Variants in DSG2 observed in about 807,000 individuals in gnomAD.
The protein encoded by DSG2 is desmoglein-2.
Under a neutral mutation model 75.6 loss-of-function variants are expected in DSG2, and 45 were observed. That is an observed-to-expected ratio of 0.60 (90% CI 0.47 to 0.76). The LOEUF is 0.76. DSG2 is among the 30% of genes least tolerant of loss of function. DSG2 has a pLI of 0.00. For synonymous variants in DSG2, 429 were observed against 483.9 expected, an observed-to-expected ratio of 0.89 and a Z score of 1.49; for missense variants, 1,267 against 1,357.4, an observed-to-expected ratio of 0.93 and a Z score of 1.05.
intron 3 of DSG2, 31 bp downstream of exon 3, chr18:31,519,968 G>C: frequency 1.2e-6 from 2 of 1,613,922 alleles, no homozygotes; most frequent in Non-Finnish European, 1.7e-6. Flanking sequence ...TGAAATACAT[G>C]CATATGACTA....
chr18:31,519,730 T>C, intron 2 of DSG2, 73 bp from the exon 3 acceptor site: 2 of 1,516,950 alleles, frequency 1.3e-6, no homozygotes, highest in East Asian at 2.3e-5. Flanking sequence ...AAGTTTATTA[T>C]GTTATAGGAC....
intron 8 of DSG2, among the ~76,000 whole-genome samples, chr18:31,527,615 T>C (rs1232078181): frequency 6.6e-6 from 1 of 152,180 alleles, no homozygotes; most frequent in Admixed American, 6.5e-5. Context: ...GATATACAAG[T>C]AGCAAATACC....
intron 14 of DSG2, among the ~76,000 whole-genome samples, chr18:31,545,088 C>T (rs1375761857): frequency 6.6e-6 from 1 of 152,170 alleles, no homozygotes; most frequent in Non-Finnish European, 1.5e-5. Flanking sequence ...CTGCTAAGCT[C>T]AATTCTAGCG....
At chr18:31,526,739 A>G (rs1329002882) in intron 8 of DSG2, among the ~76,000 whole-genome samples, 1 of 152,224 alleles carries the variant, frequency 6.6e-6, no homozygotes, top group Non-Finnish European at 1.5e-5. Flanking sequence ...TCAGTGACAG[A>G]CTACATATAT....
chr18:31,521,130 A>G lies in DSG2; in HGVS notation c.410A>G (p.Asn137Ser). 6.2e-7 allele frequency: 1 copy of G among 1,614,080 alleles called. No individual in the cohort carries two copies. Among genetic ancestry groups the G allele is most frequent in the Middle Eastern group, 1.7e-4 (1 of 6,060 alleles). Residue 137 changes from asparagine to serine, a missense_variant, in exon 5 of 15, where the codon AAC (asparagine) becomes AGC (serine). Asn to Ser is a conservative substitution (Grantham distance 46). Transcript: ENST00000261590. ...LTGYALDARG[N>S]NVEKPLELRI... The stretch of plus-strand genomic sequence containing the variant: ...GGTTACGCTTTGGATGCAAGAGGAA[A>G]CAATGTAGAGAAACCCTTAGAGCTA...
At chr18:31,523,177 A>G (rs914693066) in intron 6 of DSG2, among the ~76,000 whole-genome samples, 1 of 152,050 alleles carries the variant, frequency 6.6e-6, no homozygotes, top group Non-Finnish European at 1.5e-5. Flanking sequence ...TGAGGCGGGC[A>G]GATCACAAGG....
chr18:31,525,852 G>A (rs986938250), intron 8 of DSG2, among the ~76,000 whole-genome samples: 6 of 152,138 alleles, frequency 3.9e-5, no homozygotes, highest in African/African-American at 1.4e-4. Context: ...CGAATTACAG[G>A]ATGGGCCGGG....
Position 31,524,582 on chromosome 18 carries a change from A to G in DSG2, c.825A>G (p.Lys275=). The change falls in exon 7 of 15, where the codon AAA becomes AAG. Residue 275 remains lysine, a synonymous_variant. Transcript: ENST00000261590. ...ACAATATACCTGTAGTAGAAAATAA[A>G]GTGGTAACTATTATTCTTCTAATAA... ...VNDNIPVVEN[K]VLEGMVEENQ... is the part of the protein sequence containing the mutation. 6.2e-7 allele frequency: 1 copy of G among 1,613,766 alleles called. No homozygotes were observed. The highest frequency in any genetic ancestry group is 8.5e-7 in the Non-Finnish European group (1 of 1,179,700).
chr18:31,524,323 G>A, intron 6 of DSG2, 125 bp from the exon 7 acceptor site: 1 of 1,299,086 alleles, frequency 7.7e-7, no homozygotes. Context: ...ACAAATAATA[G>A]CAGATCATAA....
At chr18:31,519,665 G>A in intron 2 of DSG2, 138 bp from the exon 3 acceptor site, 1 of 870,188 alleles carries the variant, frequency 1.1e-6, no homozygotes, top group Non-Finnish European at 1.8e-6. Flanking sequence ...TTCCCTTTTA[G>A]ACAATGAAGC....
intron 1 of DSG2, among the ~76,000 whole-genome samples, chr18:31,507,166 G>A (rs1034537748): frequency 6.6e-6 from 1 of 152,052 alleles, no homozygotes; most frequent in East Asian, 1.9e-4. Flanking sequence ...TTATAAGTGA[G>A]AACATGTGGT....
At chr18:31,524,105 A>G (rs1006634268) in intron 6 of DSG2, among the ~76,000 whole-genome samples, 1 of 152,254 alleles carries the variant, frequency 6.6e-6, no homozygotes, top group Non-Finnish European at 1.5e-5. Context: ...CTCACTGAGA[A>G]TGAAGTGCAG....
intron 11 of DSG2, among the ~76,000 whole-genome samples, 196 bp downstream of exon 11, chr18:31,536,625 T>G (rs1027862305): frequency 2.0e-5 from 3 of 152,224 alleles, no homozygotes; most frequent in African/African-American, 7.2e-5. Context: ...ATCTAAAATG[T>G]CTTGAAGGTA....
chr18:31,508,935 G>A (rs750523582), intron 1 of DSG2, among the ~76,000 whole-genome samples: 1 of 152,128 alleles, frequency 6.6e-6, no homozygotes, highest in Non-Finnish European at 1.5e-5. Flanking sequence ...CAGACCTACT[G>A]AGTCAGACAC....
chr18:31,514,906 A>G (rs1397119972), intron 1 of DSG2, among the ~76,000 whole-genome samples: 4 of 152,238 alleles, frequency 2.6e-5, no homozygotes, highest in Admixed American at 6.5e-5. Context: ...CTTATATCCT[A>G]GTAAAACACA....
chr18:31,513,578 G>A (rs908144318), intron 1 of DSG2, among the ~76,000 whole-genome samples: 4 of 152,218 alleles, frequency 2.6e-5, no homozygotes, highest in African/African-American at 9.6e-5. Context: ...CTGAAGATGA[G>A]AGAAAATGCC....
At chr18:31,530,916 A>G (rs765919131) in intron 8 of DSG2, 71 bp from the exon 9 acceptor site, 2 of 1,452,998 alleles carry the variant, frequency 1.4e-6, no homozygotes, top group African/African-American at 1.6e-5. Context: ...AAAACCACAC[A>G]TGTATATGTA....
chr18:31,521,250 G>GT lies in DSG2; in HGVS notation c.523+8dup. The stretch of plus-strand genomic sequence containing the variant: ...GAAGAGTTGAGTGCAGCACGTAAGA[G>GT]TCTTTTTTTTTTTTTTTAATAAATA... On this transcript the variant is annotated splice_region_variant and intron_variant, in intron 5 of 14. Coordinates refer to ENST00000261590, the MANE Select transcript of DSG2 (RefSeq NM_001943.5). 2 of 1,587,076 alleles carry GT rather than the reference G, an allele frequency of 1.3e-6. No homozygotes were observed. Among genetic ancestry groups the GT allele is most frequent in the Admixed American group, 1.7e-5 (1 of 57,650 alleles).
intron 1 of DSG2, among the ~76,000 whole-genome samples, chr18:31,508,442 G>A (rs1443185480): frequency 6.6e-6 from 1 of 151,708 alleles, no homozygotes; most frequent in African/African-American, 2.4e-5. Flanking sequence ...CACCCAGGCT[G>A]GAGTGCAGTG....
Sources: gnomAD v4.1 joint callset for allele counts (sites outside exome capture counted in the v4.1 genomes callset) on GRCh38, gnomAD v4.1.1 for gene constraint, MANE v1.5 for transcripts, NCBI Gene and HGNC (gene_info 2026-07-23, HGNC 2026-07-21) for gene names.